Variants in SCN8A observed in about 807,000 individuals in gnomAD.
SCN8A encodes sodium voltage-gated channel alpha subunit 8.
In SCN8A, 30 loss-of-function variants were observed where a neutral mutation model predicts 184.1. That is an observed-to-expected ratio of 0.16 (90% CI 0.12 to 0.22). The LOEUF is 0.22. Among genes scored for constraint, SCN8A ranks in the 10% least tolerant of loss-of-function variants. The pLI is 1.00. For missense variants in SCN8A, 1,057 were observed against 2,498.9 expected, an observed-to-expected ratio of 0.42 and a Z score of 12.30; for synonymous variants, 852 against 907.0, an observed-to-expected ratio of 0.94 and a Z score of 1.09.
At position 51,762,522 on chromosome 12, in the gene SCN8A, C is replaced by T; in HGVS notation, c.2390C>T (p.Thr797Ile). The change falls in exon 15 of 27, where the codon ACA (threonine) becomes ATA (isoleucine). Residue 797 changes from threonine (T) to isoleucine (I), a missense_variant. By Grantham distance (89) the Thr-to-Ile change is moderately conservative. Transcript: ENST00000627620. ...ATTTAGGTTTTCACTGGAATTTTCACAGCGGAAATGTTCCTGAAGCTCATA... is the reference window on the plus strand; with the variant it reads ...ATTTAGGTTTTCACTGGAATTTTCATAGCGGAAATGTTCCTGAAGCTCATA... ...VGNLVFTGIF[T>I]AEMFLKLIAM... 2 of 1,613,542 alleles carry T rather than the reference C, an allele frequency of 1.2e-6. No individual in the cohort carries two copies. Among genetic ancestry groups the T allele is most frequent in the Non-Finnish European group, 1.7e-6 (2 of 1,179,732 alleles).
At chr12:51,789,174 C>A in intron 23 of SCN8A, 107 bp from the exon 24 acceptor site, 1 of 1,242,314 alleles carries the variant, frequency 8.0e-7, no homozygotes, top group Non-Finnish European at 1.1e-6. Context: ...CTCTCCCACC[C>A]CAAGATGTTT....
intron 1 of SCN8A, among the ~76,000 whole-genome samples, chr12:51,647,448 G>A (rs74091896): frequency 1.4e-4 from 21 of 152,114 alleles, no homozygotes; most frequent in Admixed American, 2.0e-4. Flanking sequence ...GGAGTGAGAC[G>A]TAGGAAGGAA....
chr12:51,689,555 C>CGGCG, intron 6 of SCN8A: 1 of 154,524 alleles, frequency 6.5e-6, no homozygotes, highest in Non-Finnish European at 1.4e-5. Context: ...ATTTTTTAAT[C>CGGCG]ACAGAAGAGA....
Position 51,806,017 on chromosome 12 carries a change from A to C in SCN8A, c.4796-265A>C, listed in dbSNP as rs1938691571. ...CTAATTTTTTATTTTCAGTAGAGAC[A>C]GGGTTTCACCATGTTGGCCAGGCTG... On this transcript the variant is annotated intron_variant, in intron 26 of 26. Transcript: ENST00000627620. The surrounding 1 kb of genome is among the most constrained non-coding windows in gnomAD (Gnocchi z 8.7). 6.6e-6 allele frequency among the ~76,000 whole-genome samples: 1 copy of C among 152,098 alleles called. No individual in the cohort carries two copies. The highest frequency in any genetic ancestry group is 2.4e-5 in the African/African-American group (1 of 41,428).
chr12:51,697,431 G>T (rs958254167), intron 6 of SCN8A, among the ~76,000 whole-genome samples: 3 of 152,170 alleles, frequency 2.0e-5, no homozygotes, highest in African/African-American at 7.2e-5. Flanking sequence ...CTTGTGCTAG[G>T]CAGAGCATCC....
At chr12:51,721,060 T>G (rs1418533858) in intron 11 of SCN8A, among the ~76,000 whole-genome samples, 2 of 113,340 alleles carry the variant, frequency 1.8e-5, no homozygotes, top group East Asian at 4.8e-4. Context: ...AGAGCGAAAC[T>G]CCATCTCAAA....
At chr12:51,669,416 A>G (rs1941092337) in intron 2 of SCN8A, among the ~76,000 whole-genome samples, 1 of 152,152 alleles carries the variant, frequency 6.6e-6, no homozygotes, top group Non-Finnish European at 1.5e-5. Context: ...TGCCTGTCAC[A>G]TATTGTATTT....
At chr12:51,751,628 G>T in intron 14 of SCN8A, 35 bp downstream of exon 14, 1 of 1,502,234 alleles carries the variant, frequency 6.7e-7, no homozygotes, top group South Asian at 1.1e-5. Flanking sequence ...TATTAGGATT[G>T]GAATGTGTTT....
chr12:51,797,033 C>A (rs1236351161), intron 26 of SCN8A, among the ~76,000 whole-genome samples: 1 of 152,108 alleles, frequency 6.6e-6, no homozygotes, highest in Non-Finnish European at 1.5e-5. Context: ...ACTTTTGCAC[C>A]AGCCTAATCT....
chr12:51,757,228 T>C (rs1313019133), intron 14 of SCN8A, among the ~76,000 whole-genome samples: 1 of 152,202 alleles, frequency 6.6e-6, no homozygotes, highest in African/African-American at 2.4e-5. Context: ...TGCAGGACTT[T>C]CGGTGTGAAA....
chr12:51,793,865 C>T (rs921798863), intron 25 of SCN8A, among the ~76,000 whole-genome samples: 7 of 149,226 alleles, frequency 4.7e-5, no homozygotes, highest in African/African-American at 1.7e-4. Flanking sequence ...GAAAGAAAGG[C>T]CAGGCATGAT....
intron 1 of SCN8A, among the ~76,000 whole-genome samples, chr12:51,648,771 A>G (rs1366492460): frequency 6.6e-6 from 1 of 152,262 alleles, no homozygotes; most frequent in East Asian, 1.9e-4. Context: ...TCAAGATGAG[A>G]TTTGGGTGGA....
intron 1 of SCN8A, among the ~76,000 whole-genome samples, chr12:51,646,009 T>TAAA (rs11307011): frequency 8.1e-6 from 1 of 123,420 alleles, no homozygotes; most frequent in South Asian, 2.7e-4. Context: ...AAGATAAAAG[T>TAAA]AAAAAAAAAA....
At chr12:51,709,691 G>A (rs1457068481) in intron 11 of SCN8A, among the ~76,000 whole-genome samples, 2 of 152,088 alleles carry the variant, frequency 1.3e-5, no homozygotes, top group Non-Finnish European at 2.9e-5. Context: ...TTTAAAGAGT[G>A]TGGGTGGAAA....
chr12:51,770,221 A>G (rs1028575415), intron 18 of SCN8A: 8 of 586,814 alleles, frequency 1.4e-5, no homozygotes, highest in South Asian at 4.5e-5. Flanking sequence ...CATCAGCCCA[A>G]AAATTTCCAT....
At chr12:51,708,123 C>T (rs944185636) in intron 11 of SCN8A, among the ~76,000 whole-genome samples, 5 of 152,158 alleles carry the variant, frequency 3.3e-5, no homozygotes, top group Non-Finnish European at 7.4e-5. Context: ...GAGCTTTTCT[C>T]CTCTAAGCAT....
At chr12:51,601,956 A>T (rs1482025990) in intron 1 of SCN8A, among the ~76,000 whole-genome samples, 1 of 145,150 alleles carries the variant, frequency 6.9e-6, no homozygotes, top group Non-Finnish European at 1.5e-5. Context: ...GAGAGGAAGG[A>T]GTGTGTATGT....
chr12:51,631,798 A>G (rs547922700), intron 1 of SCN8A, among the ~76,000 whole-genome samples: 6 of 152,316 alleles, frequency 3.9e-5, no homozygotes, highest in African/African-American at 1.4e-4. Context: ...CACTTAGCCA[A>G]CTTCATTCAT....
intron 1 of SCN8A, among the ~76,000 whole-genome samples, chr12:51,640,990 G>A (rs1377737161): frequency 6.6e-6 from 1 of 152,216 alleles, no homozygotes; most frequent in Non-Finnish European, 1.5e-5. Flanking sequence ...AAAAGTGTAA[G>A]AGTAAGTTTT....
Sources: gnomAD v4.1 joint callset for allele counts (sites outside exome capture counted in the v4.1 genomes callset) on GRCh38, gnomAD v4.1.1 for gene constraint, Gnocchi (gnomAD v3.1) non-coding constraint, MANE v1.5 for transcripts, NCBI Gene and HGNC (gene_info 2026-07-23, HGNC 2026-07-21) for gene names.